The following ENTREP1 variants were observed in gnomAD, a reference collection of about 807,000 sequenced individuals.
ENTREP1 encodes Friedreich ataxia region gene X123.
chr9:69,371,377 T>C, the ENTREP1 span: 1 of 825,606 alleles, frequency 1.2e-6, no homozygotes, highest in South Asian at 1.4e-5. Context: ...GAAAACACGG[T>C]TCTGATCTTT....
the ENTREP1 span, among the ~76,000 whole-genome samples, chr9:69,375,346 G>A: frequency 1.3e-5 from 2 of 152,230 alleles, no homozygotes; most frequent in African/African-American, 4.8e-5. Flanking sequence ...AAATCAGAGT[G>A]CATTGTGTTG....
At chr9:69,325,796 G>A in the ENTREP1 span, 8 of 1,211,180 alleles carry the variant, frequency 6.6e-6, no homozygotes, top group Non-Finnish European at 7.2e-6. Flanking sequence ...CCTCTCCATT[G>A]CCCCTTTGTT....
the ENTREP1 span, chr9:69,325,039 C>T: frequency 8.4e-5 from 83 of 985,400 alleles, 1 homozygote; most frequent in African/African-American, 9.8e-4. Context: ...CGGCACAGCG[C>T]GAGCACGGAG....
At chr9:69,385,172 C>T in the ENTREP1 span, among the ~76,000 whole-genome samples, 1 of 152,160 alleles carries the variant, frequency 6.6e-6, no homozygotes, top group Non-Finnish European at 1.5e-5. Flanking sequence ...CCACCCACCT[C>T]AGCCTCCCAA....
chr9:69,352,437 A>G, the ENTREP1 span, among the ~76,000 whole-genome samples: 3,198 of 152,244 alleles, frequency 0.021, 47 homozygotes, highest in Middle Eastern at 0.068. Context: ...AGATTTTTGA[A>G]TGTCTGTTGA....
the ENTREP1 span, chr9:69,385,721 A>G: frequency 7.0e-7 from 1 of 1,433,412 alleles, no homozygotes. Flanking sequence ...TTTCCTGCCC[A>G]TTTTGAGGAC....
chr9:69,359,183 G>A, the ENTREP1 span, among the ~76,000 whole-genome samples: 5 of 152,148 alleles, frequency 3.3e-5, no homozygotes, highest in South Asian at 2.1e-4. Flanking sequence ...TGGGATTACA[G>A]ACGTGAGCCA....
At chr9:69,359,490 G>C in the ENTREP1 span, among the ~76,000 whole-genome samples, 1 of 152,140 alleles carries the variant, frequency 6.6e-6, no homozygotes, top group Non-Finnish European at 1.5e-5. Flanking sequence ...GTTCTCATGA[G>C]ATCTCATGGT....
chr9:69,331,299 A>C, the ENTREP1 span, among the ~76,000 whole-genome samples: 1 of 152,238 alleles, frequency 6.6e-6, no homozygotes, highest in Non-Finnish European at 1.5e-5. Context: ...TTAATGGATT[A>C]GCAAAGGGAA....
At chr9:69,327,921 T>C in the ENTREP1 span, among the ~76,000 whole-genome samples, 48 of 78,386 alleles carry the variant, frequency 6.1e-4, 3 homozygotes, top group East Asian at 0.014. Flanking sequence ...ACTGTATTTA[T>C]AGAACAATTA....
the ENTREP1 span, among the ~76,000 whole-genome samples, chr9:69,362,144 G>T: frequency 3.3e-5 from 5 of 152,200 alleles, no homozygotes; most frequent in South Asian, 4.1e-4. Flanking sequence ...GGTTTAAGTC[G>T]CATCTTGAGA....
the ENTREP1 span, among the ~76,000 whole-genome samples, chr9:69,378,590 C>T: frequency 6.6e-6 from 1 of 151,834 alleles, no homozygotes; most frequent in Admixed American, 6.6e-5. Context: ...ACCCCCGTCT[C>T]TACTAAAAAT....
At chr9:69,363,164 A>G in the ENTREP1 span, among the ~76,000 whole-genome samples, 1 of 152,068 alleles carries the variant, frequency 6.6e-6, no homozygotes, top group African/African-American at 2.4e-5. Flanking sequence ...CAAGCCCTCT[A>G]CTTTTTGGCG....
chr9:69,358,935 A>C, the ENTREP1 span, among the ~76,000 whole-genome samples: 2 of 103,384 alleles, frequency 1.9e-5, no homozygotes, highest in East Asian at 5.5e-4. Flanking sequence ...ACGGAGTCTT[A>C]CCCTGTCACC....
At chr9:69,331,614 A>G in the ENTREP1 span, among the ~76,000 whole-genome samples, 1 of 152,208 alleles carries the variant, frequency 6.6e-6, no homozygotes, top group African/African-American at 2.4e-5. Context: ...CTGGATGGAA[A>G]GAATGCTGAT....
the ENTREP1 span, among the ~76,000 whole-genome samples, chr9:69,358,090 A>G: frequency 6.6e-6 from 1 of 152,168 alleles, no homozygotes; most frequent in South Asian, 2.1e-4. Context: ...AAGACCACAC[A>G]ATTGTTCTTG....
chr9:69,377,661 C>T, the ENTREP1 span: 27 of 1,613,924 alleles, frequency 1.7e-5, 1 homozygote, highest in Admixed American at 2.2e-4. Flanking sequence ...GACGCATCCC[C>T]GACCCTGATG....
the ENTREP1 span, chr9:69,387,971 A>G: frequency 2.0e-6 from 3 of 1,536,608 alleles, no homozygotes; most frequent in Non-Finnish European, 2.6e-6. Context: ...TCCTATTGGA[A>G]CTGGACTTCA....
At chr9:69,339,743 C>T in the ENTREP1 span, among the ~76,000 whole-genome samples, 2 of 152,302 alleles carry the variant, frequency 1.3e-5, no homozygotes, top group African/African-American at 2.4e-5. Flanking sequence ...GGCTCAGGGG[C>T]ACCTTCTGAC....
Sources: gnomAD v4.1 joint callset for allele counts (sites outside exome capture counted in the v4.1 genomes callset) on GRCh38, gnomAD v4.1.1 for gene constraint, MANE v1.5 for transcripts, NCBI Gene and HGNC (gene_info 2026-07-23, HGNC 2026-07-21) for gene names.